The following GALNT5 variants were observed in gnomAD, a reference collection of about 807,000 sequenced individuals.
The protein encoded by GALNT5 is polypeptide N-acetylgalactosaminyltransferase 5.
A neutral mutation model predicts 85.4 loss-of-function variants in GALNT5; 72 were observed. That is an observed-to-expected ratio of 0.84 (90% CI 0.70 to 1.03). The LOEUF is 1.03. Among genes scored for constraint, GALNT5 ranks in the 50% least tolerant of loss-of-function variants. The probability of loss-of-function intolerance (pLI) is 0.00; values close to 1 mark genes in which losing one functional copy is unlikely to be tolerated. For missense variants in GALNT5, 1,137 were observed against 1,135.5 expected, an observed-to-expected ratio of 1.00 and a Z score of -0.02; for synonymous variants, 404 against 397.0, an observed-to-expected ratio of 1.02 and a Z score of -0.21.
Position 157,283,586 on chromosome 2 carries a change from A to G in GALNT5, c.1455-696A>G, listed in dbSNP as rs76604884. ...GCTAAAAAGAGTTTAATTATTTGGC[A>G]CATATATATTATGCCATAAGTACAT... is the stretch of plus-strand genomic sequence containing the variant. On this transcript the variant is annotated intron_variant, in intron 1 of 9. Coordinates refer to ENST00000259056, the MANE Select transcript of GALNT5 (RefSeq NM_014568.3). Among the ~76,000 whole-genome samples, 550 of 152,356 alleles carry G rather than the reference A, an allele frequency of 3.6e-3. 5 individuals carry two copies. The highest frequency in any genetic ancestry group is 0.012 in the African/African-American group (507 of 41,582).
intron 2 of GALNT5, among the ~76,000 whole-genome samples, chr2:157,285,086 G>A (rs1682941802): frequency 2.0e-5 from 3 of 152,190 alleles, no homozygotes; most frequent in Admixed American, 2.0e-4. Flanking sequence ...TTCCCAAATG[G>A]AACCCATTTT....
At chr2:157,296,141 T>C (rs1683209514) in intron 4 of GALNT5, among the ~76,000 whole-genome samples, 1 of 47,158 alleles carries the variant, frequency 2.1e-5, no homozygotes, top group Non-Finnish European at 9.7e-5. Flanking sequence ...TAAGTTGCTC[T>C]TGTATTTTTT....
intron 1 of GALNT5, among the ~76,000 whole-genome samples, chr2:157,271,561 G>C (rs552526927): frequency 6.6e-6 from 1 of 152,266 alleles, no homozygotes; most frequent in African/African-American, 2.4e-5. Context: ...ATATCTGTTG[G>C]CAACACACAG....
chr2:157,313,249 A>G lies in GALNT5; in HGVS notation c.*1901A>G, dbSNP rs1683615970. 1 of 152,194 alleles carries G rather than the reference A, an allele frequency of 6.6e-6. No homozygotes were observed. Among genetic ancestry groups the G allele is most frequent in the African/African-American group, 2.4e-5 (1 of 41,450 alleles). The allele number at this position is 152,194 out of a possible 1,614,324, so 9.4% of individuals were successfully genotyped here. On this transcript the variant is annotated 3_prime_UTR_variant, in exon 10 of 10. Coordinates refer to ENST00000259056, the MANE Select transcript of GALNT5 (RefSeq NM_014568.3). ...ACACACAAATACTCACCATGATGTTACAATAGCCTACAGTGTTCAATACAG... is the reference window on the plus strand; with the variant it reads ...ACACACAAATACTCACCATGATGTTGCAATAGCCTACAGTGTTCAATACAG...
At chr2:157,289,591 C>T (rs1683050915) in intron 3 of GALNT5, among the ~76,000 whole-genome samples, 2 of 152,010 alleles carry the variant, frequency 1.3e-5, no homozygotes, top group Non-Finnish European at 2.9e-5. Context: ...TTTGAAAAAC[C>T]CCAGCTAGGT....
At position 157,311,251 on chromosome 2, in the gene GALNT5, T is replaced by C; in HGVS notation, c.2726T>C (p.Leu909Ser). Residue 909 changes from leucine (L) to serine (S), a missense_variant, in exon 10 of 10, where the codon TTG becomes TCG. Coordinates refer to ENST00000259056, the MANE Select transcript of GALNT5 (RefSeq NM_014568.3). ...VFENNQQLLCLEGNFSQKILK... is the reference protein window; with the variant it reads ...VFENNQQLLCSEGNFSQKILK... ...GAAAACAATCAGCAATTATTATGCT[T>C]GGAAGGAAATTTTTCTCAAAAGATC... 6.2e-7 allele frequency: 1 copy of C among 1,610,482 alleles called. No individual in the cohort carries two copies. Among genetic ancestry groups the C allele is most frequent in the South Asian group, 1.1e-5 (1 of 90,872 alleles).
Position 157,317,978 on chromosome 2 carries a change from GT to G in GALNT5, c.*6633del, listed in dbSNP as rs1408757345. On this transcript the variant is annotated 3_prime_UTR_variant, in exon 10 of 10. Coordinates refer to ENST00000259056, the MANE Select transcript of GALNT5 (RefSeq NM_014568.3). The stretch of plus-strand genomic sequence containing the variant: ...CAGAAACCCATATTCATTGTGGTAT[GT>G]TTCTGTCTGATACTTTAATATTGGT... 4.6e-5 allele frequency among the ~76,000 whole-genome samples: 7 copies of G among 152,096 alleles called. No individual in the cohort carries two copies. Among genetic ancestry groups the G allele is most frequent in the Admixed American group, 6.6e-5 (1 of 15,246 alleles).
intron 9 of GALNT5, among the ~76,000 whole-genome samples, 175 bp from the exon 10 acceptor site, chr2:157,311,031 CAG>C (rs1299257626): frequency 6.6e-6 from 1 of 152,124 alleles, no homozygotes; most frequent in Non-Finnish European, 1.5e-5. Flanking sequence ...TAGTCTGAGA[CAG>C]AGACAAATTT....
In GALNT5 at chr2:157,273,630, C is replaced by CTTT. The variant is rs35430045; in HGVS notation, c.1455-10625_1455-10623dup. ...TTATTTGAAAACAGCATATTTCTTG[C>CTTT]TTTTTTTTTTTTTTTTTTTTTTTTT... is the stretch of plus-strand genomic sequence containing the variant. On this transcript the variant is annotated intron_variant, in intron 1 of 9. Transcript: ENST00000259056. Among the ~76,000 whole-genome samples, 33 of 23,730 alleles carry CTTT rather than the reference C, an allele frequency of 1.4e-3. 5 individuals are homozygous for CTTT. Among genetic ancestry groups the CTTT allele is most frequent in the African/African-American group, 6.2e-3 (19 of 3,052 alleles). 15.6% of individuals were successfully genotyped at this position (23,730 alleles called of 152,430 possible). A position where few individuals can be genotyped will look rare whatever the true frequency, so the allele number is the denominator to read the frequency against.
chr2:157,272,065 C>T (rs1682601318), intron 1 of GALNT5, among the ~76,000 whole-genome samples: 1 of 151,950 alleles, frequency 6.6e-6, no homozygotes, highest in South Asian at 2.1e-4. Context: ...TAGAGAGTGG[C>T]CAAAGGAAAC....
At position 157,296,456 on chromosome 2, in the gene GALNT5, G is replaced by C. The variant is rs1181008905; in HGVS notation, c.1940G>C (p.Arg647Thr). 6.2e-7 allele frequency: 1 copy of C among 1,608,534 alleles called. No individual in the cohort carries two copies. Among genetic ancestry groups the C allele is most frequent in the Non-Finnish European group, 8.5e-7 (1 of 1,175,054 alleles). Residue 647 changes from arginine to threonine, a missense_variant, in exon 5 of 10, where the codon AGA becomes ACA. Coordinates refer to ENST00000259056, the MANE Select transcript of GALNT5 (RefSeq NM_014568.3). ...GTGTGGCCCATGAACTTTGGTTGGA[G>C]AACAATTCCTCCAGATGTCATTGCA... ...IFVWPMNFGW[R>T]TIPPDVIAKN... is the part of the protein sequence containing the mutation.
chr2:157,284,447 AG>A lies in GALNT5; in HGVS notation c.1621+1del. Reference sequence around the variant, plus strand: ...TGCTGGTAGATGACTTCAGCACCAAAGGTAAGAAAACCACTCAGGCTATCTC... The same window carrying A: ...TGCTGGTAGATGACTTCAGCACCAAAGTAAGAAAACCACTCAGGCTATCTC... ...ILLVDDFSTK[D>X]YLKDNLDKYM... On this transcript the variant is annotated frameshift_variant and splice_region_variant, in exon 2 of 10. Transcript: ENST00000259056. LOFTEE classifies it high-confidence loss of function. 1 of 1,613,328 alleles carries A rather than the reference AG, an allele frequency of 6.2e-7. No individual in the cohort carries two copies. The highest frequency in any genetic ancestry group is 8.5e-7 in the Non-Finnish European group (1 of 1,179,538).
intron 1 of GALNT5, among the ~76,000 whole-genome samples, chr2:157,274,654 T>C (rs1380830810): frequency 6.6e-6 from 1 of 152,250 alleles, no homozygotes; most frequent in East Asian, 1.9e-4. Flanking sequence ...TTGATATTCT[T>C]TGCCCACTTT....
intron 3 of GALNT5, among the ~76,000 whole-genome samples, chr2:157,292,712 AT>A (rs34679647): frequency 4.6e-4 from 67 of 146,940 alleles, no homozygotes; most frequent in Admixed American, 4.8e-4. Flanking sequence ...TCGTATTATT[AT>A]TTTTTTTTTT....
At position 157,305,842 on chromosome 2, in the gene GALNT5, G is replaced by C; in HGVS notation, c.2520+13G>C. On this transcript the variant is annotated intron_variant, in intron 8 of 9. Coordinates refer to ENST00000259056, the MANE Select transcript of GALNT5 (RefSeq NM_014568.3). ...TGGGAGCAAAGAGGTATGCTAAACTGTTTTCTATCTCATGGTAGCTGATAG... is the reference window on the plus strand; with the variant it reads ...TGGGAGCAAAGAGGTATGCTAAACTCTTTTCTATCTCATGGTAGCTGATAG... The C allele has an allele frequency of 3.4e-6, 5 of 1,483,542 alleles. No individual in the cohort carries two copies. The highest frequency in any genetic ancestry group is 4.7e-6 in the Non-Finnish European group (5 of 1,061,466). The allele number at this position is 1,483,542 out of a possible 1,614,324, so 91.9% of individuals were successfully genotyped here.
Position 157,281,578 on chromosome 2 carries a change from G to A in GALNT5, c.1455-2704G>A, listed in dbSNP as rs997651080. 4.6e-5 allele frequency among the ~76,000 whole-genome samples: 7 copies of A among 152,046 alleles called. No homozygotes were observed. In the South Asian group the frequency reaches 6.2e-4, roughly 14 times the overall value. On this transcript the variant is annotated intron_variant, in intron 1 of 9. Coordinates refer to ENST00000259056, the MANE Select transcript of GALNT5 (RefSeq NM_014568.3). ...TATCAAATTGCGCCATGGCATTCCC[G>A]CCTGGGTGACAGAGCAAGACTCTAT...
rs746101683 is a variant in GALNT5 at position 157,259,131 on chromosome 2, T to A, written c.1049T>A (p.Val350Glu). ...NSKTKTIFPK[V>E]LGKSQSKHIS... ...AAAACCAAAACAATATTTCCTAAAG[T>A]ATTGGGTAAAAGCCAAAGTAAACAC... The change falls in exon 1 of 10, where the codon GTA becomes GAA. Residue 350 changes from valine (V) to glutamate (E), a missense_variant. By Grantham distance (121) the Val-to-Glu change is moderately radical. Transcript: ENST00000259056. 11 of 1,483,056 alleles carry A rather than the reference T, an allele frequency of 7.4e-6. No homozygotes were observed. The highest frequency in any genetic ancestry group is 1.4e-5 in the African/African-American group (1 of 71,142). The allele number at this position is 1,483,056 out of a possible 1,614,324, so 91.9% of individuals were successfully genotyped here.
chr2:157,296,659 G>C (rs945352323), intron 5 of GALNT5, 146 bp downstream of exon 5: 4 of 636,764 alleles, frequency 6.3e-6, no homozygotes, highest in Non-Finnish European at 2.6e-6. Context: ...AGCAAACACA[G>C]TGTTCTTGAG....
chr2:157,288,474 CAA>C (rs1016268901), intron 3 of GALNT5, among the ~76,000 whole-genome samples: 12 of 152,070 alleles, frequency 7.9e-5, no homozygotes, highest in Admixed American at 2.6e-4. Context: ...AGAATATTCC[CAA>C]GCAAATGGAA....
Sources: allele counts gnomAD v4.1 joint callset (sites outside exome capture counted in the v4.1 genomes callset), GRCh38; gene constraint gnomAD v4.1.1; transcripts MANE v1.5; gene names NCBI Gene and HGNC (gene_info 2026-07-23, HGNC 2026-07-21).